Variants in TMEM38B observed in about 807,000 individuals in gnomAD.
TMEM38B encodes transmembrane protein 38B, also known as trimeric intracellular cation channel type B.
TMEM38B carries 24 observed loss-of-function variants against 28.7 expected under a neutral mutation model. The ratio of observed to expected loss-of-function variants is 0.84; its 90% CI spans 0.61 to 1.18. The LOEUF (loss-of-function observed/expected upper bound fraction) is 1.18. Ranked by LOEUF, TMEM38B falls within the 50% of genes most tolerant of loss-of-function variation. The pLI is 0.00. For synonymous variants in TMEM38B, 131 were observed against 127.7 expected, an observed-to-expected ratio of 1.03 and a Z score of -0.17; for missense variants, 380 against 350.9, an observed-to-expected ratio of 1.08 and a Z score of -0.66.
At chr9:105,710,799 A>G (rs1474632093) in intron 2 of TMEM38B, 2 of 462,016 alleles carry the variant, frequency 4.3e-6, no homozygotes, top group East Asian at 5.1e-5. Flanking sequence ...GCGTGTCTCC[A>G]CTGGGTGCAC....
chr9:105,772,106 C>T (rs772344211), intron 5 of TMEM38B, among the ~76,000 whole-genome samples: 6 of 152,208 alleles, frequency 3.9e-5, no homozygotes, highest in Non-Finnish European at 7.3e-5. Flanking sequence ...GGCAGTTTCA[C>T]CTTGTCTGAC....
At chr9:105,766,363 G>T (rs552479485) in intron 5 of TMEM38B, among the ~76,000 whole-genome samples, 1 of 152,168 alleles carries the variant, frequency 6.6e-6, no homozygotes, top group Non-Finnish European at 1.5e-5. Context: ...GTGATGGCTA[G>T]AGATTTGAGC....
intron 2 of TMEM38B, among the ~76,000 whole-genome samples, chr9:105,715,394 T>A (rs1564391572): frequency 6.6e-6 from 1 of 152,168 alleles, no homozygotes; most frequent in Non-Finnish European, 1.5e-5. Context: ...TATCTTGGTG[T>A]TCGTTGTTGT....
rs1012544272 is a variant in TMEM38B, at chr9:105,775,705, T to C, written c.*1625T>C. The C allele has an allele frequency of 3.3e-5, 5 of 152,144 alleles. No individual in the cohort carries two copies. The highest frequency in any genetic ancestry group is 1.3e-4 in the Admixed American group (2 of 15,262). The allele number at this position is 152,144 out of a possible 1,614,324, so 9.4% of individuals were successfully genotyped here. On this transcript the variant is annotated 3_prime_UTR_variant, in exon 6 of 6. Coordinates refer to ENST00000374692, the MANE Select transcript of TMEM38B (RefSeq NM_018112.3). ...AAAACTTTTCAAAATTAATACATTG[T>C]TAATTATTGACCAGTTTTGAAGTTT...
intron 2 of TMEM38B, among the ~76,000 whole-genome samples, chr9:105,706,199 A>T (rs1320327058): frequency 6.6e-6 from 1 of 152,216 alleles, no homozygotes; most frequent in Non-Finnish European, 1.5e-5. Flanking sequence ...GCACCCAGCC[A>T]TGCCAAAGGC....
chr9:105,732,241 T>C (rs1266320723), intron 4 of TMEM38B, among the ~76,000 whole-genome samples: 1 of 152,208 alleles, frequency 6.6e-6, no homozygotes, highest in Non-Finnish European at 1.5e-5. Flanking sequence ...GCAAAAATTT[T>C]CTCCCATTCT....
At chr9:105,719,277 T>G (rs1269957904) in intron 2 of TMEM38B, among the ~76,000 whole-genome samples, 2 of 152,226 alleles carry the variant, frequency 1.3e-5, no homozygotes, top group Non-Finnish European at 2.9e-5. Context: ...GTTAAATGTA[T>G]GAGAAGTCAG....
At chr9:105,713,621 A>G (rs1835987221) in intron 2 of TMEM38B, among the ~76,000 whole-genome samples, 1 of 152,082 alleles carries the variant, frequency 6.6e-6, no homozygotes, top group Non-Finnish European at 1.5e-5. Flanking sequence ...CAGCCTGGAC[A>G]TGATGGATGA....
At chr9:105,735,125 A>G (rs1020605397) in intron 4 of TMEM38B, among the ~76,000 whole-genome samples, 8 of 152,286 alleles carry the variant, frequency 5.3e-5, no homozygotes, top group Middle Eastern at 3.4e-3. Context: ...AAAACAGACT[A>G]TTAGACTATT....
At chr9:105,758,708 G>T in intron 5 of TMEM38B, 2 of 740,920 alleles carry the variant, frequency 2.7e-6, no homozygotes, top group South Asian at 1.5e-5. Flanking sequence ...ACAACATAGA[G>T]AACTTTTCCA....
chr9:105,733,852 C>CT (rs1233302623), intron 4 of TMEM38B, among the ~76,000 whole-genome samples: 1 of 151,872 alleles, frequency 6.6e-6, no homozygotes, highest in Non-Finnish European at 1.5e-5. Context: ...AGTCTTCTAT[C>CT]TTTTTTGCTG....
In TMEM38B at chr9:105,705,742, A is replaced by G. The variant is rs1341925084; in HGVS notation, c.258A>G (p.Ala86=). 2 of 1,613,042 alleles carry G rather than the reference A, an allele frequency of 1.2e-6. No individual in the cohort carries two copies. The highest frequency in any genetic ancestry group is 3.3e-5 in the Admixed American group (2 of 59,962). The change falls in exon 2 of 6, where the codon GCA becomes GCG. Residue 86 remains alanine, a synonymous_variant. Transcript: ENST00000374692. ...CAAACCACACTAACATATTACTGGCATCTTCAATCTGGTAAGCTGCCAGTA... is the reference window on the plus strand; with the variant it reads ...CAAACCACACTAACATATTACTGGCGTCTTCAATCTGGTAAGCTGCCAGTA... ...FLANHTNILL[A]SSIWYITFFC...
intron 5 of TMEM38B, chr9:105,758,799 A>G: frequency 1.2e-6 from 1 of 864,406 alleles, no homozygotes. Context: ...ATCTCAGGAA[A>G]ATTCCGAGAA....
chr9:105,734,386 A>T (rs1014314981), intron 4 of TMEM38B, among the ~76,000 whole-genome samples: 1 of 152,120 alleles, frequency 6.6e-6, no homozygotes, highest in Non-Finnish European at 1.5e-5. Context: ...AGAATGTTTT[A>T]TGTGCACTAG....
intron 4 of TMEM38B, among the ~76,000 whole-genome samples, chr9:105,740,478 G>C (rs1837160486): frequency 6.6e-6 from 1 of 151,892 alleles, no homozygotes; most frequent in Non-Finnish European, 1.5e-5. Context: ...GGTTGCCCAG[G>C]CTGGTCTTGA....
intron 4 of TMEM38B, among the ~76,000 whole-genome samples, chr9:105,738,404 T>C (rs569972242): frequency 6.6e-6 from 1 of 152,242 alleles, no homozygotes; most frequent in South Asian, 2.1e-4. Flanking sequence ...TACTCTGTTT[T>C]TGTGCTCTAT....
intron 5 of TMEM38B, among the ~76,000 whole-genome samples, chr9:105,761,232 C>G (rs564181068): frequency 6.6e-6 from 1 of 152,242 alleles, no homozygotes; most frequent in Admixed American, 6.5e-5. Context: ...CCAAATGTTG[C>G]ACTCTTTTGT....
intron 4 of TMEM38B, among the ~76,000 whole-genome samples, chr9:105,723,930 G>A (rs1262915661): frequency 6.6e-6 from 1 of 152,106 alleles, no homozygotes; most frequent in Non-Finnish European, 1.5e-5. Flanking sequence ...CCGCCTCCCA[G>A]GTTCAAGCAG....
At chr9:105,747,237 A>G (rs1837441165) in intron 4 of TMEM38B, among the ~76,000 whole-genome samples, 1 of 152,216 alleles carries the variant, frequency 6.6e-6, no homozygotes, top group Non-Finnish European at 1.5e-5. Context: ...GCTATTAATT[A>G]TTGCCTCAAT....
Sources: gnomAD v4.1 joint callset for allele counts (sites outside exome capture counted in the v4.1 genomes callset) on GRCh38, gnomAD v4.1.1 for gene constraint, MANE v1.5 for transcripts, NCBI Gene and HGNC (gene_info 2026-07-23, HGNC 2026-07-21) for gene names.